The following ORC3 variants were observed in gnomAD, a reference collection of about 807,000 sequenced individuals.
ORC3 encodes homolog of latheo, Drosophila.
A neutral mutation model predicts 100.7 loss-of-function variants in ORC3; 78 were observed. The ratio of observed to expected loss-of-function variants is 0.77; its 90% CI spans 0.65 to 0.94. The LOEUF is 0.94. Among genes scored for constraint, ORC3 ranks in the 40% least tolerant of loss-of-function variants. The probability of loss-of-function intolerance (pLI) is 0.00; values close to 1 mark genes in which losing one functional copy is unlikely to be tolerated. For synonymous variants in ORC3, 295 were observed against 289.3 expected (o/e 1.02, Z -0.20); for missense variants, 789 against 823.9 (o/e 0.96, Z 0.52).
At chr6:87,675,668 G>C in the ORC3 span, 1 of 1,597,878 alleles carries the variant, frequency 6.3e-7, no homozygotes, top group South Asian at 1.1e-5. Flanking sequence ...ACGAATACTA[G>C]ATCTTGATTC....
chr6:87,676,111 G>A, the ORC3 span, among the ~76,000 whole-genome samples: 1 of 152,070 alleles, frequency 6.6e-6, no homozygotes, highest in Non-Finnish European at 1.5e-5. Context: ...AGGAAACCTA[G>A]GTTTTAGTCC....
At chr6:87,645,995 C>CTTTTTTTTTTT (rs55937664) in intron 13 of ORC3, among the ~76,000 whole-genome samples, 11 of 134,714 alleles carry the variant, frequency 8.2e-5, no homozygotes, top group Non-Finnish European at 1.3e-4. Flanking sequence ...TTTTTTTTTT[C>CTTTTTTTTTTT]TTTTTTTTTG....
chr6:87,659,590 G>C (rs927777440), intron 16 of ORC3, among the ~76,000 whole-genome samples: 15 of 151,820 alleles, frequency 9.9e-5, no homozygotes, highest in African/African-American at 3.6e-4. Flanking sequence ...GGTCCAAAAC[G>C]ATCAACCAAG....
intron 3 of ORC3, 102 bp downstream of exon 3, chr6:87,601,983 G>T (rs887660037): frequency 6.7e-5 from 50 of 743,080 alleles, no homozygotes; most frequent in Non-Finnish European, 1.2e-4. Context: ...ATGAAATATA[G>T]GAAGTATTGG....
chr6:87,640,968 G>A (rs986362393), intron 13 of ORC3, among the ~76,000 whole-genome samples: 5 of 152,088 alleles, frequency 3.3e-5, no homozygotes, highest in African/African-American at 1.2e-4. Flanking sequence ...AATTAGCCAG[G>A]CGTGGTGGCA....
At chr6:87,649,752 A>T (rs1410030860) in intron 13 of ORC3, among the ~76,000 whole-genome samples, 1 of 152,172 alleles carries the variant, frequency 6.6e-6, no homozygotes, top group Non-Finnish European at 1.5e-5. Flanking sequence ...ATCTCAAATA[A>T]AAATAAAAAT....
At chr6:87,669,003 C>A (rs913965180), downstream of ORC3, among the ~76,000 whole-genome samples, 1 of 151,186 alleles carries the variant, frequency 6.6e-6, no homozygotes. Context: ...AATAAAAATA[C>A]AAAATTAGCT....
chr6:87,651,517 G>T, intron 13 of ORC3: 2 of 279,156 alleles, frequency 7.2e-6, no homozygotes, highest in South Asian at 7.3e-5. Flanking sequence ...AAATGTCTTG[G>T]CTTATTTTTC....
At chr6:87,598,075 G>C (rs1777600623) in intron 2 of ORC3, among the ~76,000 whole-genome samples, 1 of 152,188 alleles carries the variant, frequency 6.6e-6, no homozygotes, top group African/African-American at 2.4e-5. Flanking sequence ...TGTCACCCAG[G>C]CTGGAGTGCA....
intron 4 of ORC3, among the ~76,000 whole-genome samples, chr6:87,605,282 T>C (rs1778246063): frequency 6.6e-6 from 1 of 152,198 alleles, no homozygotes; most frequent in Non-Finnish European, 1.5e-5. Context: ...TGAGCTATAC[T>C]GCACCTGGCC....
At chr6:87,623,729 C>T (rs1364669427) in intron 11 of ORC3, among the ~76,000 whole-genome samples, 1 of 151,952 alleles carries the variant, frequency 6.6e-6, no homozygotes, top group African/African-American at 2.4e-5. Flanking sequence ...ACTAAAAATA[C>T]AAAAATTAGC....
At chr6:87,671,440 TA>T (rs1770829752), downstream of ORC3, among the ~76,000 whole-genome samples, 2 of 151,950 alleles carry the variant, frequency 1.3e-5, no homozygotes, top group South Asian at 4.1e-4. Context: ...GAGGCAAAAG[TA>T]AGTTTTAGAC....
chr6:87,611,326 A>G (rs1778751080), intron 7 of ORC3, among the ~76,000 whole-genome samples: 1 of 152,148 alleles, frequency 6.6e-6, no homozygotes, highest in South Asian at 2.1e-4. Context: ...GCATGCTTGG[A>G]AAGTACATAG....
At chr6:87,669,663 T>C (rs1208852325), downstream of ORC3, among the ~76,000 whole-genome samples, 1 of 152,248 alleles carries the variant, frequency 6.6e-6, no homozygotes, top group Non-Finnish European at 1.5e-5. Context: ...TTTACCTTCA[T>C]AGCAATTAGC....
chr6:87,603,030 C>T (rs1001009557), intron 3 of ORC3, among the ~76,000 whole-genome samples: 27 of 143,322 alleles, frequency 1.9e-4, no homozygotes, highest in Admixed American at 1.5e-3. Context: ...CCCAGGCTGG[C>T]GTGTAGTGGC....
chr6:87,676,059 C>T, the ORC3 span: 2 of 693,400 alleles, frequency 2.9e-6, no homozygotes, highest in Non-Finnish European at 4.8e-6. Flanking sequence ...CTCAGTAGTA[C>T]TAATAGTGTA....
chr6:87,646,483 A>C (rs367687265), intron 13 of ORC3, among the ~76,000 whole-genome samples: 3 of 152,168 alleles, frequency 2.0e-5, no homozygotes, highest in Non-Finnish European at 4.4e-5. Flanking sequence ...GAATGTACCA[A>C]AATTGGAAAG....
intron 7 of ORC3, 92 bp from the exon 8 acceptor site, chr6:87,611,997 A>T: frequency 1.7e-6 from 2 of 1,200,532 alleles, no homozygotes; most frequent in South Asian, 2.9e-5. Flanking sequence ...TAAAGTAAGC[A>T]TTAAAATAAA....
intron 13 of ORC3, among the ~76,000 whole-genome samples, chr6:87,637,860 G>A (rs1024906917): frequency 6.6e-6 from 1 of 152,134 alleles, no homozygotes; most frequent in Admixed American, 6.5e-5. Flanking sequence ...TGTGTGCAAG[G>A]CACTTTGTTA....
Sources: gnomAD v4.1 joint callset for allele counts (sites outside exome capture counted in the v4.1 genomes callset) on GRCh38, gnomAD v4.1.1 for gene constraint, MANE v1.5 for transcripts, NCBI Gene and HGNC (gene_info 2026-07-23, HGNC 2026-07-21) for gene names.